Variants in PIGS observed in about 807,000 individuals in gnomAD.
The protein encoded by PIGS is phosphatidylinositol glycan anchor biosynthesis class S.
PIGS carries 37 observed loss-of-function variants against 58.2 expected under a neutral mutation model. The observed-to-expected ratio is 0.64, with a 90% CI of 0.49 to 0.84. The LOEUF is 0.84. Ranked by LOEUF, PIGS falls within the 40% of genes least tolerant of loss-of-function variation. The pLI, the probability that PIGS is intolerant of heterozygous loss-of-function variation, is 0.00. For synonymous variants in PIGS, 269 were observed against 289.2 expected, an observed-to-expected ratio of 0.93 and a Z score of 0.71; for missense variants, 629 against 710.8, an observed-to-expected ratio of 0.88 and a Z score of 1.31.
At chr17:28,563,663 G>T in intron 4 of PIGS, 141 bp from the exon 5 acceptor site, 1 of 1,173,868 alleles carries the variant, frequency 8.5e-7, no homozygotes, top group Non-Finnish European at 1.3e-6. Flanking sequence ...AACCTCTCTG[G>T]CCCTCAGTGG....
At chr17:28,571,260 AGCCCCAACCACCG>A in intron 1 of PIGS, 72 bp from the exon 2 acceptor site, 1 of 1,565,478 alleles carries the variant, frequency 6.4e-7, no homozygotes, top group Non-Finnish European at 8.7e-7. Flanking sequence ...GACGCGGAGA[AGCCCCAACCACCG>A]GCCTCCAGGG....
intron 3 of PIGS, among the ~76,000 whole-genome samples, chr17:28,566,737 G>A (rs2070396872): frequency 6.6e-6 from 1 of 152,040 alleles, no homozygotes; most frequent in Non-Finnish European, 1.5e-5. Flanking sequence ...GGGACTACAG[G>A]CACACACCAC....
Sources: allele counts gnomAD v4.1 joint callset (sites outside exome capture counted in the v4.1 genomes callset), GRCh38; gene constraint gnomAD v4.1.1; transcripts MANE v1.5; gene names NCBI Gene and HGNC (gene_info 2026-07-23, HGNC 2026-07-21).